Variants in GABRG3 observed in about 807,000 individuals in gnomAD.
GABRG3 encodes the protein gamma-aminobutyric acid receptor subunit gamma-3.
A neutral mutation model predicts 48.8 loss-of-function variants in GABRG3; 25 were observed. The observed-to-expected ratio is 0.51, with a 90% confidence interval of 0.37 to 0.72. GABRG3 has a LOEUF of 0.72. Ranked by LOEUF, GABRG3 falls within the 30% of genes least tolerant of loss-of-function variation. GABRG3 has a pLI of 0.00. For synonymous variants in GABRG3, 227 were observed against 217.6 expected (o/e 1.04, Z -0.38); for missense variants, 394 against 577.9 (o/e 0.68, Z 3.26).
At chr15:27,168,197 T>C (rs1263753132) in intron 3 of GABRG3, among the ~76,000 whole-genome samples, 1 of 151,836 alleles carries the variant, frequency 6.6e-6, no homozygotes. Context: ...CAAAACCACT[T>C]GATGTCATGG....
At position 27,179,640 on chromosome 15, in the gene GABRG3, C is replaced by T. The variant is rs377382515; in HGVS notation, c.271-147169C>T. On this transcript the variant is annotated intron_variant, in intron 3 of 9. Coordinates refer to ENST00000615808, the MANE Select transcript of GABRG3 (RefSeq NM_033223.5). The surrounding 1 kb of genome is among the most constrained non-coding windows in gnomAD (Gnocchi z 4.0). ...AGACTACAAAGATGCACAGAACCCT[C>T]GAGTCCTGTTGTCCTGCCGGGGGTC... Among the ~76,000 whole-genome samples the T allele has an allele frequency of 3.3e-4, 50 of 152,290 alleles. No homozygotes were observed. The highest frequency in any genetic ancestry group is 5.8e-4 in the East Asian group (3 of 5,184).
Position 27,042,776 on chromosome 15 carries a change from C to T in GABRG3, c.270+15955C>T, listed in dbSNP as rs1224926193. ...GGAATGCTCAGCCACCTGGATGACT[C>T]TCACCGTCGGGTCTGACAGCCTGAG... On this transcript the variant is annotated intron_variant, in intron 3 of 9. Transcript: ENST00000615808. 2.6e-5 allele frequency among the ~76,000 whole-genome samples: 4 copies of T among 152,330 alleles called. No individual in the cohort carries two copies. In the East Asian group the frequency reaches 7.7e-4, roughly 29 times the overall value.
At chr15:27,205,171 G>A (rs1029166105) in intron 3 of GABRG3, among the ~76,000 whole-genome samples, 6 of 152,038 alleles carry the variant, frequency 3.9e-5, no homozygotes, top group African/African-American at 9.6e-5. Context: ...TTACCCATTC[G>A]ATGTGATTTT....
chr15:27,218,509 T>C (rs908681969), intron 3 of GABRG3, among the ~76,000 whole-genome samples: 5 of 152,216 alleles, frequency 3.3e-5, no homozygotes, highest in African/African-American at 1.2e-4. Context: ...TGAACCCCTT[T>C]ACTCAGCAGT....
chr15:27,245,202 C>T (rs577910021), intron 3 of GABRG3, among the ~76,000 whole-genome samples: 12 of 152,178 alleles, frequency 7.9e-5, no homozygotes, highest in Middle Eastern at 3.4e-3. Context: ...TGGAAGGTGA[C>T]GATTCTGGGC....
Position 27,192,086 on chromosome 15 carries a change from G to A in GABRG3, c.271-134723G>A, listed in dbSNP as rs181626521. Among the ~76,000 whole-genome samples the A allele has an allele frequency of 1.2e-3, 176 of 152,222 alleles. 1 individual carries two copies. The highest frequency in any genetic ancestry group is 4.0e-3 in the African/African-American group (168 of 41,538). On this transcript the variant is annotated intron_variant, in intron 3 of 9. Transcript: ENST00000615808. ...TCTTCTGGCTTGTAGAGTTTCTGCC[G>A]AGAGATCCGCTTTAGTCTGATGGGC...
chr15:27,203,366 G>A (rs1003366887), intron 3 of GABRG3, among the ~76,000 whole-genome samples: 1 of 152,108 alleles, frequency 6.6e-6, no homozygotes, highest in Non-Finnish European at 1.5e-5. Flanking sequence ...TTGCTGCAAA[G>A]GATATGATTT....
chr15:27,002,131 A>T (rs1895460614), intron 2 of GABRG3, among the ~76,000 whole-genome samples: 1 of 152,260 alleles, frequency 6.6e-6, no homozygotes, highest in Admixed American at 6.5e-5. Flanking sequence ...CTTCAAAAAT[A>T]GTCAGCATTT....
intron 3 of GABRG3, among the ~76,000 whole-genome samples, chr15:27,084,235 C>T (rs1251677491): frequency 6.6e-6 from 1 of 152,320 alleles, no homozygotes; most frequent in South Asian, 2.1e-4. Flanking sequence ...TGGGATTATC[C>T]CACGTGCCTC....
At position 27,351,912 on chromosome 15, in the gene GABRG3, TGTG is replaced by T. The variant is rs1334396392; in HGVS notation, c.574+23025_574+23027del. ...GTGTGTATGGTGTATGTATGTATAG[TGTG>T]TGTGTGTTTGTGTGTGTATGGTGTG... On this transcript the variant is annotated intron_variant, in intron 5 of 9. Coordinates refer to ENST00000615808, the MANE Select transcript of GABRG3 (RefSeq NM_033223.5). Among the ~76,000 whole-genome samples the T allele has an allele frequency of 4.7e-5, 7 of 148,596 alleles. No homozygotes were observed. In the South Asian group the frequency reaches 1.3e-3, roughly 27 times the overall value.
chr15:27,308,456 CAT>C (rs1021990650), intron 3 of GABRG3, among the ~76,000 whole-genome samples: 1 of 126,068 alleles, frequency 7.9e-6, no homozygotes, highest in African/African-American at 4.6e-5. Flanking sequence ...CATATGCAAA[CAT>C]ACATGTTTAT....
chr15:27,336,206 GAA>G (rs762497867), intron 5 of GABRG3, among the ~76,000 whole-genome samples: 27 of 124,024 alleles, frequency 2.2e-4, no homozygotes, highest in African/African-American at 4.4e-4. Context: ...AAGAAAGAAA[GAA>G]AGAGAGAGAG....
intron 5 of GABRG3, among the ~76,000 whole-genome samples, chr15:27,350,936 CGT>C (rs1242870769): frequency 2.1e-5 from 3 of 145,174 alleles, no homozygotes; most frequent in African/African-American, 7.7e-5. Flanking sequence ...GTGTGTGTAT[CGT>C]GTGTGTATGC....
At chr15:27,201,141 AAAT>A (rs1463661631) in intron 3 of GABRG3, among the ~76,000 whole-genome samples, 1 of 152,026 alleles carries the variant, frequency 6.6e-6, no homozygotes, top group Non-Finnish European at 1.5e-5. Flanking sequence ...AAGACTTTAA[AAAT>A]AAACCATTCT....
At chr15:27,315,422 C>A (rs573292863) in intron 3 of GABRG3, among the ~76,000 whole-genome samples, 2 of 152,272 alleles carry the variant, frequency 1.3e-5, no homozygotes, top group South Asian at 4.1e-4. Context: ...AGACTCATTG[C>A]AGTTTTTGAA....
At chr15:27,331,866 A>C (rs934754526) in intron 5 of GABRG3, among the ~76,000 whole-genome samples, 1 of 152,196 alleles carries the variant, frequency 6.6e-6, no homozygotes, top group African/African-American at 2.4e-5. Flanking sequence ...TTAAAAGTCT[A>C]GTAAAAACTT....
chr15:27,292,467 A>T (rs1408234996), intron 3 of GABRG3, among the ~76,000 whole-genome samples: 1 of 152,122 alleles, frequency 6.6e-6, no homozygotes, highest in African/African-American at 2.4e-5. Context: ...CCTAATTCAG[A>T]TATTCTGAAT....
intron 3 of GABRG3, among the ~76,000 whole-genome samples, chr15:27,067,224 G>C (rs1020352982): frequency 2.6e-5 from 4 of 152,160 alleles, no homozygotes; most frequent in Non-Finnish European, 5.9e-5. Flanking sequence ...TGGACCTGGG[G>C]TCACCCAGAT....
chr15:27,282,870 G>A (rs1023515214), intron 3 of GABRG3, among the ~76,000 whole-genome samples: 8 of 152,078 alleles, frequency 5.3e-5, no homozygotes, highest in East Asian at 3.9e-4. Context: ...TGCTAAAATC[G>A]TGCTAGGTGG....
Sources: allele counts gnomAD v4.1 joint callset (sites outside exome capture counted in the v4.1 genomes callset), GRCh38; gene constraint gnomAD v4.1.1; non-coding constraint Gnocchi (gnomAD v3.1); transcripts MANE v1.5; gene names NCBI Gene and HGNC (gene_info 2026-07-23, HGNC 2026-07-21).